The following KLKB1 variants were observed in gnomAD, a reference collection of about 807,000 sequenced individuals.
KLKB1 encodes plasma kallikrein.
Under a neutral mutation model 73.6 loss-of-function variants are expected in KLKB1, and 58 were observed. The ratio of observed to expected loss-of-function variants is 0.79; its 90% CI spans 0.64 to 0.98. KLKB1 has a LOEUF of 0.98. KLKB1 is among the 50% of genes least tolerant of loss of function. KLKB1 has a pLI of 0.00. For missense variants in KLKB1, 737 were observed against 763.8 expected (o/e 0.96, Z 0.41); for synonymous variants, 280 against 258.1 (o/e 1.08, Z -0.81).
chr4:186,247,902 C>A (rs1298066005), intron 6 of KLKB1, among the ~76,000 whole-genome samples: 3 of 152,160 alleles, frequency 2.0e-5, no homozygotes, highest in Admixed American at 6.5e-5. Flanking sequence ...CACCTGATTG[C>A]ACAACGATCA....
chr4:186,247,046 A>C (rs966009703), intron 6 of KLKB1, among the ~76,000 whole-genome samples: 1 of 152,184 alleles, frequency 6.6e-6, no homozygotes, highest in South Asian at 2.1e-4. Flanking sequence ...GAGGTTGGAT[A>C]AGAGAGTAAA....
chr4:186,222,758 A>G (rs1737058662), upstream of KLKB1, among the ~76,000 whole-genome samples: 1 of 151,998 alleles, frequency 6.6e-6, no homozygotes, highest in South Asian at 2.1e-4. Flanking sequence ...TTATTCTTTC[A>G]TTTGTTTTCA....
intron 2 of KLKB1, among the ~76,000 whole-genome samples, chr4:186,218,446 C>G (rs868798785): frequency 2.0e-5 from 3 of 152,154 alleles, no homozygotes; most frequent in Non-Finnish European, 4.4e-5. Context: ...TGTGCATAAA[C>G]TGTGTGACCC....
chr4:186,247,141 C>G (rs1331518772), intron 6 of KLKB1, among the ~76,000 whole-genome samples: 1 of 152,148 alleles, frequency 6.6e-6, no homozygotes, highest in African/African-American at 2.4e-5. Context: ...GTGGATCTTT[C>G]TCATGGAGCA....
chr4:186,251,355 A>G (rs770342011), intron 8 of KLKB1, 27 bp downstream of exon 8: 39 of 1,527,240 alleles, frequency 2.6e-5, no homozygotes, highest in East Asian at 2.2e-4. Context: ...ATAATATTAC[A>G]TAAAATGTAA....
At chr4:186,256,859 G>C (rs1267720740) in intron 13 of KLKB1, among the ~76,000 whole-genome samples, 1 of 152,198 alleles carries the variant, frequency 6.6e-6, no homozygotes, top group Admixed American at 6.5e-5. Flanking sequence ...CTGCTACTGA[G>C]ATGAGGGGAT....
Position 186,251,199 on chromosome 4 carries a change from C to CG in KLKB1, c.759-20_759-19insG. ...TGCAAATTTCTTTCTTTCTCTCTTG[C>CG]TTTTTTTTAAAAAAAATAGAAATGT... On this transcript the variant is annotated intron_variant, in intron 7 of 14. Coordinates refer to ENST00000264690, the MANE Select transcript of KLKB1 (RefSeq NM_000892.5). 6.7e-7 allele frequency: 1 copy of CG among 1,496,422 alleles called. No individual in the cohort carries two copies. The highest frequency in any genetic ancestry group is 9.3e-7 in the Non-Finnish European group (1 of 1,075,754). 92.7% of individuals were successfully genotyped at this position (1,496,422 alleles called of 1,614,324 possible). A position where few individuals can be genotyped will look rare whatever the true frequency, so the allele number is the denominator to read the frequency against.
rs919123680 is a variant in KLKB1, at chr4:186,258,411, T to C, written c.*199T>C. On this transcript the variant is annotated 3_prime_UTR_variant, in exon 15 of 15. Coordinates refer to ENST00000264690, the MANE Select transcript of KLKB1 (RefSeq NM_000892.5). ...GCACGCCGTAACCAGGGGCTGACAA[T>C]GCGAGGTCGCAACTGAGATCTCCAT... 3 of 636,168 alleles carry C rather than the reference T, an allele frequency of 4.7e-6. No homozygotes were observed. Among genetic ancestry groups the C allele is most frequent in the East Asian group, 2.8e-5 (1 of 36,174 alleles). 39.4% of individuals were successfully genotyped at this position (636,168 alleles called of 1,614,324 possible).
Position 186,251,300 on chromosome 4 carries a change from C to A in KLKB1, c.840C>A (p.Ser280Arg). The A allele has an allele frequency of 6.2e-7, 1 of 1,608,774 alleles. No homozygotes were observed. Among genetic ancestry groups the A allele is most frequent in the Non-Finnish European group, 8.5e-7 (1 of 1,175,256 alleles). The change falls in exon 8 of 15, where the codon AGC (serine) becomes AGA (arginine). Residue 280 changes from serine to arginine, a missense_variant. Ser to Arg is a moderately radical substitution (Grantham distance 110). Coordinates refer to ENST00000264690, the MANE Select transcript of KLKB1 (RefSeq NM_000892.5). ...TPQENTISGY[S>R]LLTCKRTLPE... ...AAGAAAACACCATATCTGGATATAGCCTTTTAACCTGCAAAAGAACTTTAC... is the reference window on the plus strand; with the variant it reads ...AAGAAAACACCATATCTGGATATAGACTTTTAACCTGCAAAAGAACTTTAC...
intron 13 of KLKB1, 76 bp downstream of exon 13, chr4:186,256,163 C>A: frequency 1.2e-6 from 1 of 863,018 alleles, no homozygotes; most frequent in South Asian, 1.4e-5. Flanking sequence ...TCGTTTTAAT[C>A]GGTTTCTGTC....
At chr4:186,248,152 G>T (rs201606963) in intron 6 of KLKB1, among the ~76,000 whole-genome samples, 1 of 152,114 alleles carries the variant, frequency 6.6e-6, no homozygotes, top group East Asian at 1.9e-4. Context: ...GGAGGCTGAG[G>T]CAGGAGAATG....
At chr4:186,235,588 C>T (rs1014740716) in intron 4 of KLKB1, among the ~76,000 whole-genome samples, 3 of 152,194 alleles carry the variant, frequency 2.0e-5, no homozygotes, top group African/African-American at 4.8e-5. Flanking sequence ...CCCTGCCCAA[C>T]TCATCGTACT....
chr4:186,229,285 A>G (rs945937348), intron 2 of KLKB1, among the ~76,000 whole-genome samples: 1 of 152,188 alleles, frequency 6.6e-6, no homozygotes, highest in African/African-American at 2.4e-5. Context: ...AAATTTAGAA[A>G]CTACATATTG....
intron 12 of KLKB1, among the ~76,000 whole-genome samples, chr4:186,255,019 T>C (rs1580042771): frequency 6.6e-6 from 1 of 152,090 alleles, no homozygotes; most frequent in East Asian, 1.9e-4. Flanking sequence ...ATAATGGGCG[T>C]GGGAAATGTC....
intron 6 of KLKB1, among the ~76,000 whole-genome samples, chr4:186,245,836 T>TTTTTTTTTTTTTG (rs1738316359): frequency 7.0e-6 from 1 of 143,682 alleles, no homozygotes; most frequent in Non-Finnish European, 1.5e-5. Flanking sequence ...TTTTTTTTTT[T>TTTTTTTTTTTTTG]AATGTCAGGA....
chr4:186,254,894 G>A (rs1738906677), intron 12 of KLKB1, 131 bp downstream of exon 12: 2 of 763,442 alleles, frequency 2.6e-6, no homozygotes, highest in African/African-American at 1.8e-5. Context: ...GGAAACGTGA[G>A]GGTTGCTGGG....
chr4:186,251,858 T>G lies in KLKB1; in HGVS notation c.1141T>G (p.Ser381Ala), dbSNP rs4253301. 192,694 of 1,610,182 alleles carry G rather than the reference T, an allele frequency of 0.12. 12,136 individuals are homozygous for G. Among genetic ancestry groups the G allele is most frequent in the South Asian group, 0.2 (17,820 of 91,000 alleles). ...SLRLCNTGDNSVCTTKTSTRI... is the reference protein window; with the variant it reads ...SLRLCNTGDNAVCTTKTSTRI... ...GAGATTGTGTAACACTGGGGACAACTCTGGTGAGTAACCTCACTTTTTCGT... is the reference window on the plus strand; with the variant it reads ...GAGATTGTGTAACACTGGGGACAACGCTGGTGAGTAACCTCACTTTTTCGT... The change falls in exon 10 of 15, where the codon TCT becomes GCT. Residue 381 changes from serine (S) to alanine (A), a missense_variant. Transcript: ENST00000264690.
rs79522302 is a variant in KLKB1 at position 186,214,957 on chromosome 4, C to G, written c.201+5685C>G. ...CCCATCATTATCTCTCCTCTTTACC[C>G]GTCACTTTCTTTCTGTTGTGGTTTG... On this transcript the variant is annotated intron_variant, in intron 2 of 14. Transcript: ENST00000511608. Among the ~76,000 whole-genome samples the G allele has an allele frequency of 2.6e-5, 4 of 152,278 alleles. No homozygotes were observed. The East Asian group carries it at 5.8e-4, about 22-fold the overall frequency.
At chr4:186,213,506 A>C (rs1252055520) in intron 2 of KLKB1, 1 of 152,238 alleles carries the variant, frequency 6.6e-6, no homozygotes, top group Non-Finnish European at 1.5e-5. Flanking sequence ...AGGTTCCTTT[A>C]CTGTTGTCAT....
Sources: allele counts gnomAD v4.1 joint callset (sites outside exome capture counted in the v4.1 genomes callset), GRCh38; gene constraint gnomAD v4.1.1; transcripts MANE v1.5; gene names NCBI Gene and HGNC (gene_info 2026-07-23, HGNC 2026-07-21).